Variants in SLCO1A2 observed in about 807,000 individuals in gnomAD.
SLCO1A2 encodes OATP-1.
SLCO1A2 carries 67 observed loss-of-function variants against 69.0 expected under a neutral mutation model. The ratio of observed to expected loss-of-function variants is 0.97; its 90% CI spans 0.80 to 1.19. The LOEUF (loss-of-function observed/expected upper bound fraction) is 1.19. Among genes scored for constraint, SLCO1A2 ranks in the 50% most tolerant of loss-of-function variants. SLCO1A2 has a pLI of 0.00. For missense variants in SLCO1A2, 787 were observed against 793.7 expected (o/e 0.99, Z 0.10); for synonymous variants, 260 against 265.9 (o/e 0.98, Z 0.22).
intron 14 of SLCO1A2, among the ~76,000 whole-genome samples, chr12:21,270,240 A>G (rs752306991): frequency 1.5e-3 from 225 of 151,990 alleles, no homozygotes; most frequent in Non-Finnish European, 9.9e-4. Context: ...TGTGCATAAT[A>G]TAACCAAATA....
At chr12:21,330,907 G>T (rs188300051) in intron 2 of SLCO1A2, among the ~76,000 whole-genome samples, 93 of 152,120 alleles carry the variant, frequency 6.1e-4, no homozygotes, top group Middle Eastern at 3.4e-3. Flanking sequence ...TGGACTTTCT[G>T]GTTTGACATA....
intron 1 of SLCO1A2, among the ~76,000 whole-genome samples, chr12:21,385,537 A>G (rs971428083): frequency 2.0e-5 from 3 of 152,246 alleles, no homozygotes; most frequent in Admixed American, 6.5e-5. Flanking sequence ...AAGCAAGAAC[A>G]TTGGTAGAGG....
chr12:21,305,594 A>G (rs1949265296), intron 5 of SLCO1A2, among the ~76,000 whole-genome samples: 1 of 152,264 alleles, frequency 6.6e-6, no homozygotes, highest in African/African-American at 2.4e-5. Flanking sequence ...AATTGAAAGC[A>G]TCAATCCACC....
At chr12:21,359,739 T>C (rs1355832377) in intron 2 of SLCO1A2, among the ~76,000 whole-genome samples, 2 of 136,364 alleles carry the variant, frequency 1.5e-5, no homozygotes, top group Non-Finnish European at 3.1e-5. Flanking sequence ...AGAGCGAGAC[T>C]CCGTCTTAAA....
At chr12:21,379,024 G>T (rs1331948658) in intron 1 of SLCO1A2, 1 of 152,408 alleles carries the variant, frequency 6.6e-6, no homozygotes, top group Non-Finnish European at 1.5e-5. Flanking sequence ...GCAGTGAGCC[G>T]AGATTGCACC....
chr12:21,352,947 CT>C (rs1484791879), intron 2 of SLCO1A2, among the ~76,000 whole-genome samples: 1 of 152,156 alleles, frequency 6.6e-6, no homozygotes, highest in Non-Finnish European at 1.5e-5. Context: ...AGTTATTAAA[CT>C]TTCGAACAGT....
Position 21,319,556 on chromosome 12 carries a change from CAG to C in SLCO1A2, c.61-635_61-634del, listed in dbSNP as rs1422644735. The C allele has an allele frequency of 2.4e-5, 24 of 1,013,160 alleles. No homozygotes were observed. In the East Asian group the frequency reaches 9.6e-4, roughly 41 times the overall value. 62.8% of individuals were successfully genotyped at this position (1,013,160 alleles called of 1,614,324 possible). ...GTGTCTAAGGCATATAAGCCCAGGA[CAG>C]AGTATTTTCAGGGTTTCTCAGCTGC... On this transcript the variant is annotated intron_variant, in intron 2 of 14. Coordinates refer to ENST00000683939, the MANE Select transcript of SLCO1A2 (RefSeq NM_001386879.1).
At position 21,297,492 on chromosome 12, in the gene SLCO1A2, G is replaced by A. The variant is rs775430474; in HGVS notation, c.987C>T (p.Phe329=). 2 of 1,611,076 alleles carry A rather than the reference G, an allele frequency of 1.2e-6. No individual in the cohort carries two copies. The highest frequency in any genetic ancestry group is 2.2e-5 in the South Asian group (2 of 90,900). The change falls in exon 9 of 15, where the codon TTC becomes TTT. Residue 329 remains phenylalanine (F), a synonymous_variant. Transcript: ENST00000683939. ...AGGAGATCATGTTAACGAATGCATT[G>A]AACTGTATCACACTTACAAGTATGA... ...MLFILVSVIQ[F]NAFVNMISFM...
At chr12:21,337,254 C>T (rs955521193), upstream of SLCO1A2, among the ~76,000 whole-genome samples, 1 of 151,950 alleles carries the variant, frequency 6.6e-6, no homozygotes, top group African/African-American at 2.4e-5. Flanking sequence ...TGGCTTCCAG[C>T]CCCTAATGAT....
chr12:21,331,317 A>G (rs1361798443), intron 2 of SLCO1A2, among the ~76,000 whole-genome samples: 1 of 152,130 alleles, frequency 6.6e-6, no homozygotes, highest in Non-Finnish European at 1.5e-5. Context: ...GGAAGAAAAG[A>G]AAATGAAAGA....
rs1182491728 is a variant in SLCO1A2, at chr12:21,266,885, A to C, written c.*2663T>G. The C allele has an allele frequency of 1.3e-5, 2 of 152,102 alleles. No individual in the cohort carries two copies. The highest frequency in any genetic ancestry group is 2.9e-5 in the Non-Finnish European group (2 of 68,020). 9.4% of individuals were successfully genotyped at this position (152,102 alleles called of 1,614,324 possible). On this transcript the variant is annotated 3_prime_UTR_variant, in exon 15 of 15. Transcript: ENST00000683939. ...TAGGTTAATTTTTGAATTATAAGTA[A>C]TATATTAAACCACTATTTCTAGTTT...
intron 1 of SLCO1A2, among the ~76,000 whole-genome samples, chr12:21,409,504 G>C (rs1031806917): frequency 3.3e-5 from 5 of 152,126 alleles, no homozygotes; most frequent in African/African-American, 1.2e-4. Context: ...ATCTAACAAA[G>C]CCTAAAATAT....
intron 1 of SLCO1A2, among the ~76,000 whole-genome samples, chr12:21,382,463 AC>A (rs1301868859): frequency 6.6e-6 from 1 of 152,170 alleles, no homozygotes; most frequent in East Asian, 1.9e-4. Flanking sequence ...AACCACTTGT[AC>A]CCCAAAAGCT....
At chr12:21,391,172 C>T (rs1941133354) in intron 1 of SLCO1A2, among the ~76,000 whole-genome samples, 1 of 152,144 alleles carries the variant, frequency 6.6e-6, no homozygotes, top group Non-Finnish European at 1.5e-5. Context: ...AGATATTAGA[C>T]AGCCCTACCA....
intron 5 of SLCO1A2, among the ~76,000 whole-genome samples, chr12:21,306,028 G>A (rs532211348): frequency 2.6e-5 from 4 of 152,286 alleles, no homozygotes; most frequent in East Asian, 1.9e-4. Context: ...GCTGAAAGAA[G>A]CACTGCTATT....
At position 21,334,665 on chromosome 12, in the gene SLCO1A2, T is replaced by C. The variant is rs1405255931; in HGVS notation, c.-18A>G. The C allele has an allele frequency of 3.1e-6, 5 of 1,602,166 alleles. No homozygotes were observed. The South Asian group carries it at 5.6e-5, about 18-fold the overall frequency. On this transcript the variant is annotated 5_prime_UTR_variant, in exon 2 of 15. Transcript: ENST00000683939. ...TCTCCCATGTTGCTCTTCAGGGTGTTCCAAGCTATTTATGTTTTAAATCTT... is the reference window on the plus strand; with the variant it reads ...TCTCCCATGTTGCTCTTCAGGGTGTCCCAAGCTATTTATGTTTTAAATCTT...
At chr12:21,412,813 T>C (rs1157085680) in intron 1 of SLCO1A2, among the ~76,000 whole-genome samples, 9 of 152,112 alleles carry the variant, frequency 5.9e-5, no homozygotes, top group African/African-American at 2.2e-4. Flanking sequence ...AATGCCATGA[T>C]CAAGGAATAA....
upstream of SLCO1A2, among the ~76,000 whole-genome samples, chr12:21,336,586 A>G (rs1314510958): frequency 2.0e-5 from 3 of 152,076 alleles, no homozygotes; most frequent in African/African-American, 7.2e-5. Flanking sequence ...TTATATGATG[A>G]AAATATTTTA....
rs1171395809 is a variant in SLCO1A2, at chr12:21,274,575, C to T, written c.1687G>A (p.Ala563Thr). The T allele has an allele frequency of 1.2e-6, 2 of 1,601,202 alleles. No individual in the cohort carries two copies. Among genetic ancestry groups the T allele is most frequent in the Non-Finnish European group, 1.7e-6 (2 of 1,169,062 alleles). Residue 563 changes from alanine (A) to threonine (T), a missense_variant, in exon 14 of 15, where the codon GCA becomes ACA. Ala to Thr is a moderately conservative substitution (Grantham distance 58, BLOSUM62 0). Coordinates refer to ENST00000683939, the MANE Select transcript of SLCO1A2 (RefSeq NM_001386879.1). Reference protein sequence around the residue: ...FCTRVFAGIPAPIYFGALMDS... With the variant: ...FCTRVFAGIPTPIYFGALMDS... Reference sequence around the variant, plus strand: ...ATTAAAGCGCCAAAATATATAGGTGCAGGAATGCCAGCTACAATTGACAGG... The same window carrying T: ...ATTAAAGCGCCAAAATATATAGGTGTAGGAATGCCAGCTACAATTGACAGG...
Sources: gnomAD v4.1 joint callset for allele counts (sites outside exome capture counted in the v4.1 genomes callset) on GRCh38, gnomAD v4.1.1 for gene constraint, MANE v1.5 for transcripts, NCBI Gene and HGNC (gene_info 2026-07-23, HGNC 2026-07-21) for gene names.